The following COPB1 variants were observed in gnomAD, a reference collection of about 807,000 sequenced individuals.
COPB1 encodes the protein coatomer subunit beta.
Under a neutral mutation model 108.7 loss-of-function variants are expected in COPB1, and 21 were observed. The observed-to-expected ratio is 0.19, with a 90% CI of 0.14 to 0.28. COPB1 has a LOEUF of 0.28. Among genes scored for constraint, COPB1 ranks in the 10% least tolerant of loss-of-function variants. The pLI is 1.00. For synonymous variants in COPB1, 378 were observed against 386.8 expected (o/e 0.98, Z 0.27); for missense variants, 919 against 1,141.3 (o/e 0.81, Z 2.81).
chr11:14,469,202 G>C, intron 15 of COPB1, 134 bp downstream of exon 15: 1 of 745,882 alleles, frequency 1.3e-6, no homozygotes, highest in African/African-American at 1.7e-5. Flanking sequence ...TTGCTATGTA[G>C]CCCACACTGG....
chr11:14,458,014 G>A, intron 21 of COPB1, 131 bp from the exon 22 acceptor site: 2 of 411,914 alleles, frequency 4.9e-6, no homozygotes, highest in Non-Finnish European at 8.5e-6. Flanking sequence ...ATACCAAACA[G>A]ACTTACCAAA....
At chr11:14,468,902 GAT>G (rs759427694) in intron 15 of COPB1, 42 bp from the exon 16 acceptor site, 3 of 1,552,850 alleles carry the variant, frequency 1.9e-6, no homozygotes, top group Non-Finnish European at 2.6e-6. Flanking sequence ...AATATGAAAA[GAT>G]AGTTTTTTAG....
intron 7 of COPB1, among the ~76,000 whole-genome samples, chr11:14,485,229 T>G (rs1850744996): frequency 6.6e-6 from 1 of 152,112 alleles, no homozygotes; most frequent in Non-Finnish European, 1.5e-5. Flanking sequence ...CCACGATAGC[T>G]CACTGCAACC....
chr11:14,461,101 G>A lies in COPB1; in HGVS notation c.2556+85C>T, dbSNP rs113769857. 1,944 of 1,527,530 alleles carry A rather than the reference G, an allele frequency of 1.3e-3. 20 individuals are homozygous for A. In the African/African-American group the frequency reaches 0.022, roughly 17 times the overall value. The allele number at this position is 1,527,530 out of a possible 1,614,324, so 94.6% of individuals were successfully genotyped here. A position where few individuals can be genotyped will look rare whatever the true frequency, so the allele number is the denominator to read the frequency against. On this transcript the variant is annotated intron_variant, in intron 19 of 21. Coordinates refer to ENST00000439561, the MANE Select transcript of COPB1 (RefSeq NM_001144061.2). ...CTTTTCATGTTAAACACTTTTTAGC[G>A]AGATTAATTTTATTAGCAGACTCCT...
intron 7 of COPB1, among the ~76,000 whole-genome samples, chr11:14,485,827 A>G (rs1449395118): frequency 6.6e-6 from 1 of 152,222 alleles, no homozygotes; most frequent in Non-Finnish European, 1.5e-5. Context: ...TGGGTGACAA[A>G]GCAATACCTT....
At chr11:14,499,314 A>T (rs1473500047) in intron 1 of COPB1, among the ~76,000 whole-genome samples, 1 of 152,100 alleles carries the variant, frequency 6.6e-6, no homozygotes, top group Admixed American at 6.5e-5. Flanking sequence ...TCAAGTTAAG[A>T]GACCTTGTGC....
intron 5 of COPB1, 85 bp downstream of exon 5, chr11:14,490,480 G>A (rs755521978): frequency 1.1e-4 from 78 of 720,096 alleles, no homozygotes; most frequent in Non-Finnish European, 1.5e-4. Flanking sequence ...CAAAATTACT[G>A]ACTAAAAACA....
chr11:14,472,700 T>G (rs534730929), intron 14 of COPB1, among the ~76,000 whole-genome samples: 1 of 152,354 alleles, frequency 6.6e-6, no homozygotes, highest in East Asian at 1.9e-4. Context: ...TCCAGATAAC[T>G]TGCCACAGCT....
chr11:14,461,125 C>T lies in COPB1; in HGVS notation c.2556+61G>A, dbSNP rs897540263. The stretch of plus-strand genomic sequence containing the variant: ...CGAGATTAATTTTATTAGCAGACTC[C>T]TCAACAGCAGGCAAAAGGAAGAAAG... On this transcript the variant is annotated intron_variant, in intron 19 of 21. Transcript: ENST00000439561. 2.8e-5 allele frequency: 45 copies of T among 1,604,128 alleles called. No individual in the cohort carries two copies. In the African/African-American group the frequency reaches 4.0e-4, roughly 14 times the overall value.
chr11:14,496,913 T>C (rs1342595721), intron 2 of COPB1, among the ~76,000 whole-genome samples: 1 of 152,158 alleles, frequency 6.6e-6, no homozygotes, highest in Non-Finnish European at 1.5e-5. Flanking sequence ...AGTGAACTCA[T>C]TTTGACAAAG....
intron 6 of COPB1, 63 bp from the exon 7 acceptor site, chr11:14,486,567 T>G: frequency 6.3e-7 from 1 of 1,588,174 alleles, no homozygotes; most frequent in Non-Finnish European, 8.6e-7. Context: ...AATGGAGTTT[T>G]TTCATGAATG....
chr11:14,486,332 T>C (rs913724218), intron 7 of COPB1, 35 bp downstream of exon 7: 1 of 1,611,006 alleles, frequency 6.2e-7, no homozygotes. Flanking sequence ...AGAAAATCTA[T>C]CATCTAATCT....
chr11:14,462,707 C>A (rs1850187431), intron 18 of COPB1, among the ~76,000 whole-genome samples: 1 of 152,228 alleles, frequency 6.6e-6, no homozygotes, highest in East Asian at 1.9e-4. Flanking sequence ...CTCATTTCTT[C>A]AAGATTAATA....
At chr11:14,490,916 A>T (rs1475731420) in intron 4 of COPB1, among the ~76,000 whole-genome samples, 1 of 151,672 alleles carries the variant, frequency 6.6e-6, no homozygotes, top group African/African-American at 2.4e-5. Context: ...CAGCCTCCCG[A>T]GTAGCTGCGA....
intron 20 of COPB1, among the ~76,000 whole-genome samples, chr11:14,458,946 T>G (rs1455477520): frequency 2.0e-5 from 3 of 152,122 alleles, no homozygotes; most frequent in African/African-American, 7.2e-5. Context: ...TTTTGTAATT[T>G]TAGTAGAGAC....
intron 14 of COPB1, chr11:14,474,284 T>C (rs895406821): frequency 2.7e-6 from 1 of 365,132 alleles, no homozygotes; most frequent in Non-Finnish European, 5.0e-6. Flanking sequence ...TGTATTACTT[T>C]GTCAATTTTC....
At chr11:14,492,064 A>G (rs1051511421) in intron 4 of COPB1, among the ~76,000 whole-genome samples, 5 of 152,296 alleles carry the variant, frequency 3.3e-5, no homozygotes, top group African/African-American at 9.6e-5. Context: ...CTCTTGCCAT[A>G]TTATTTTGAA....
rs2134106658 is a variant in COPB1, at chr11:14,474,511, T to G, written c.1721A>C (p.Glu574Ala). The change falls in exon 14 of 22, where the codon GAG becomes GCG. Residue 574 changes from glutamate to alanine, a missense_variant. Physicochemically the swap from Glu to Ala is moderately radical, Grantham distance 107. Transcript: ENST00000439561. Reference sequence around the variant, plus strand: ...TGAACTTACATTTTGCTTTTTCTTCTCCTGAACCAAAGCTACATAGCGCAA... The same window carrying G: ...TGAACTTACATTTTGCTTTTTCTTCGCCTGAACCAAAGCTACATAGCGCAA... ...IALRYVALVQ[E>A]KKKQNSFVAE... The G allele has an allele frequency of 6.2e-7, 1 of 1,612,896 alleles. No homozygotes were observed.
At chr11:14,482,692 A>T (rs1048673282) in intron 8 of COPB1, among the ~76,000 whole-genome samples, 2 of 151,946 alleles carry the variant, frequency 1.3e-5, no homozygotes, top group African/African-American at 4.8e-5. Context: ...ACTTCACCAC[A>T]CCCAGCTAAT....
Sources: allele counts gnomAD v4.1 joint callset (sites outside exome capture counted in the v4.1 genomes callset), GRCh38; gene constraint gnomAD v4.1.1; transcripts MANE v1.5; gene names NCBI Gene and HGNC (gene_info 2026-07-23, HGNC 2026-07-21).